The following CNTN5 variants were observed in gnomAD, a reference collection of about 807,000 sequenced individuals.
The protein encoded by CNTN5 is contactin-5.
Under a neutral mutation model 129.1 loss-of-function variants are expected in CNTN5, and 77 were observed. The observed-to-expected ratio is 0.60, with a 90% CI of 0.50 to 0.72. The LOEUF (loss-of-function observed/expected upper bound fraction) is 0.72, where lower values mean the gene tolerates loss of function less well. CNTN5 is among the 30% of genes least tolerant of loss of function. CNTN5 has a pLI of 0.00. For missense variants in CNTN5, 1,478 were observed against 1,328.8 expected, an observed-to-expected ratio of 1.11 and a Z score of -1.75; for synonymous variants, 509 against 465.6, an observed-to-expected ratio of 1.09 and a Z score of -1.20.
chr11:100,014,031 TC>T (rs1489270774), intron 9 of CNTN5, among the ~76,000 whole-genome samples: 1 of 152,160 alleles, frequency 6.6e-6, no homozygotes, highest in African/African-American at 2.4e-5. Flanking sequence ...TAGAGAAAGA[TC>T]AATTTAGAAC....
chr11:99,107,374 C>T (rs1002399475), intron 1 of CNTN5, among the ~76,000 whole-genome samples: 3 of 151,992 alleles, frequency 2.0e-5, no homozygotes, highest in Non-Finnish European at 4.4e-5. Flanking sequence ...ATTTTTAAAA[C>T]ATTTTACTTT....
intron 10 of CNTN5, among the ~76,000 whole-genome samples, chr11:100,063,793 G>A (rs1396494090): frequency 1.3e-5 from 2 of 151,888 alleles, no homozygotes; most frequent in Non-Finnish European, 2.9e-5. Flanking sequence ...AGCCTGAGGT[G>A]GGAGAATCAC....
intron 13 of CNTN5, among the ~76,000 whole-genome samples, chr11:100,094,750 AGGG>A: frequency 7.0e-6 from 1 of 142,374 alleles, no homozygotes; most frequent in Non-Finnish European, 1.5e-5. Context: ...AAGAAGAAGG[AGGG>A]AGGGAGGGAG....
At chr11:99,664,146 T>G (rs1051751151) in intron 3 of CNTN5, among the ~76,000 whole-genome samples, 3 of 152,186 alleles carry the variant, frequency 2.0e-5, no homozygotes, top group Non-Finnish European at 4.4e-5. Context: ...ATCACTGTGT[T>G]CATTATATTC....
intron 3 of CNTN5, among the ~76,000 whole-genome samples, chr11:99,761,888 A>G (rs1433499332): frequency 3.2e-4 from 32 of 100,844 alleles, no homozygotes; most frequent in African/African-American, 1.0e-3. Flanking sequence ...CCAACAGTGT[A>G]AAAGTGTTCC....
At chr11:99,573,802 C>T (rs1056126573) in intron 3 of CNTN5, among the ~76,000 whole-genome samples, 1 of 151,786 alleles carries the variant, frequency 6.6e-6, no homozygotes, top group Non-Finnish European at 1.5e-5. Flanking sequence ...TTTGGAGAAA[C>T]CTTTCTAGAG....
intron 3 of CNTN5, among the ~76,000 whole-genome samples, chr11:99,798,479 C>T (rs887293116): frequency 1.1e-4 from 16 of 152,090 alleles, no homozygotes; most frequent in Non-Finnish European, 1.6e-4. Flanking sequence ...CATTCTTCTG[C>T]GTACAGTTAG....
chr11:99,384,805 T>G (rs1565539030), intron 2 of CNTN5, among the ~76,000 whole-genome samples: 1 of 152,204 alleles, frequency 6.6e-6, no homozygotes, highest in Non-Finnish European at 1.5e-5. Flanking sequence ...CAATGTGATG[T>G]TTTGATATGT....
chr11:100,165,459 A>AATC (rs386374654), intron 13 of CNTN5, among the ~76,000 whole-genome samples: 3 of 151,472 alleles, frequency 2.0e-5, no homozygotes, highest in African/African-American at 7.3e-5. Flanking sequence ...AAAAGTGACT[A>AATC]ATGTATCAAA....
At chr11:100,085,298 C>A (rs1023897854) in intron 13 of CNTN5, among the ~76,000 whole-genome samples, 12 of 151,882 alleles carry the variant, frequency 7.9e-5, no homozygotes, top group African/African-American at 2.9e-4. Flanking sequence ...CAGAGAAAAC[C>A]TCTGCCTGCT....
chr11:99,592,695 T>A (rs975394346), intron 3 of CNTN5, among the ~76,000 whole-genome samples: 3 of 152,186 alleles, frequency 2.0e-5, no homozygotes, highest in African/African-American at 7.2e-5. Flanking sequence ...CTAAGGGGAA[T>A]GTAAAATTAA....
At chr11:99,206,624 C>T (rs960272212) in intron 1 of CNTN5, among the ~76,000 whole-genome samples, 2 of 152,064 alleles carry the variant, frequency 1.3e-5, no homozygotes, top group Non-Finnish European at 2.9e-5. Flanking sequence ...CCACTTACTA[C>T]TACCTTAGCT....
At chr11:99,633,433 T>C (rs1303726747) in intron 3 of CNTN5, among the ~76,000 whole-genome samples, 1 of 152,224 alleles carries the variant, frequency 6.6e-6, no homozygotes, top group African/African-American at 2.4e-5. Flanking sequence ...TACTGAATAT[T>C]AGTCAGAAAA....
chr11:100,286,798 A>G (rs867556552), intron 18 of CNTN5, among the ~76,000 whole-genome samples: 1 of 147,482 alleles, frequency 6.8e-6, no homozygotes, highest in African/African-American at 2.6e-5. Flanking sequence ...TCAGATGATC[A>G]AATTACTCTG....
At chr11:100,233,059 T>G (rs933575160) in intron 16 of CNTN5, among the ~76,000 whole-genome samples, 3 of 152,112 alleles carry the variant, frequency 2.0e-5, no homozygotes, top group East Asian at 3.9e-4. Context: ...ACAAAATGTT[T>G]GAATGTCACT....
chr11:99,403,235 C>T (rs1285999199), intron 2 of CNTN5, among the ~76,000 whole-genome samples: 3 of 152,078 alleles, frequency 2.0e-5, no homozygotes, highest in Non-Finnish European at 4.4e-5. Flanking sequence ...CTCCTGACCT[C>T]GTGATCTGCC....
chr11:99,061,880 T>C (rs922703991), intron 1 of CNTN5, among the ~76,000 whole-genome samples: 1 of 151,864 alleles, frequency 6.6e-6, no homozygotes, highest in African/African-American at 2.4e-5. Flanking sequence ...TAGTCCTAGA[T>C]ACCTGGGAGG....
chr11:100,220,993 T>C (rs1380231683), intron 15 of CNTN5, among the ~76,000 whole-genome samples: 1 of 152,224 alleles, frequency 6.6e-6, no homozygotes, highest in African/African-American at 2.4e-5. Flanking sequence ...GCACTAGTGC[T>C]AGCTCAGCTT....
intron 3 of CNTN5, among the ~76,000 whole-genome samples, chr11:99,763,035 T>C (rs1944637606): frequency 6.6e-6 from 1 of 152,130 alleles, no homozygotes; most frequent in South Asian, 2.1e-4. Context: ...TTTCCTAAAT[T>C]TTATTGATCC....
Sources: allele counts gnomAD v4.1 joint callset (sites outside exome capture counted in the v4.1 genomes callset), GRCh38; gene constraint gnomAD v4.1.1; transcripts MANE v1.5; gene names NCBI Gene and HGNC (gene_info 2026-07-23, HGNC 2026-07-21).